Variants in EXT1 observed in about 807,000 individuals in gnomAD.
EXT1 encodes exostosin glycosyltransferase 1, also known as exostosin-1.
Under a neutral mutation model 82.5 loss-of-function variants are expected in EXT1, and 20 were observed. The ratio of observed to expected loss-of-function variants is 0.24; its 90% confidence interval spans 0.17 to 0.35. The LOEUF is 0.35. Ranked by LOEUF, EXT1 falls within the 10% of genes least tolerant of loss-of-function variation. The probability of loss-of-function intolerance (pLI) is 1.00; values close to 1 mark genes in which losing one functional copy is unlikely to be tolerated. For missense variants in EXT1, 757 were observed against 936.5 expected, an observed-to-expected ratio of 0.81 and a Z score of 2.50; for synonymous variants, 348 against 350.8, an observed-to-expected ratio of 0.99 and a Z score of 0.09.
At chr8:118,027,796 C>G (rs17453868) in intron 1 of EXT1, among the ~76,000 whole-genome samples, 2,310 of 152,298 alleles carry the variant, frequency 0.015, 21 homozygotes, top group Non-Finnish European at 0.019. Flanking sequence ...TGACGCTAAA[C>G]AACTGGCAAA....
At chr8:118,005,717 T>G (rs746420864) in intron 1 of EXT1, among the ~76,000 whole-genome samples, 4 of 152,240 alleles carry the variant, frequency 2.6e-5, no homozygotes, top group Non-Finnish European at 5.9e-5. Context: ...TGGCCCTCTC[T>G]GTACTTTTTC....
intron 1 of EXT1, among the ~76,000 whole-genome samples, chr8:117,845,578 G>T (rs894309050): frequency 6.6e-6 from 1 of 151,358 alleles, no homozygotes; most frequent in Non-Finnish European, 1.5e-5. Flanking sequence ...ATAAATAAAA[G>T]ATAGCTATTA....
Position 117,820,791 on chromosome 8 carries a change from T to A in EXT1, c.1418-997A>T, listed in dbSNP as rs546204261. On this transcript the variant is annotated intron_variant, in intron 5 of 10. Transcript: ENST00000378204. ...TATATGTCAGCAGCTACCATTATCA[T>A]CACCCTCACCAACATTATTATTTTG... Among the ~76,000 whole-genome samples, 4 of 152,278 alleles carry A rather than the reference T, an allele frequency of 2.6e-5. No individual in the cohort carries two copies. The South Asian group carries it at 8.3e-4, about 32-fold the overall frequency.
intron 1 of EXT1, among the ~76,000 whole-genome samples, chr8:118,009,468 C>T (rs1815849520): frequency 6.6e-6 from 1 of 151,348 alleles, no homozygotes; most frequent in Non-Finnish European, 1.5e-5. Context: ...AGTGAATGAC[C>T]AGACAGTGGC....
At chr8:117,824,561 C>T (rs1359097813) in intron 4 of EXT1, among the ~76,000 whole-genome samples, 1 of 152,174 alleles carries the variant, frequency 6.6e-6, no homozygotes, top group African/African-American at 2.4e-5. Context: ...TTAATTATAA[C>T]AACGTCTCAG....
At chr8:118,050,004 CCTT>C (rs1476794229) in intron 1 of EXT1, among the ~76,000 whole-genome samples, 4 of 152,230 alleles carry the variant, frequency 2.6e-5, no homozygotes, top group South Asian at 4.2e-4. Context: ...CCTGGTGTGT[CCTT>C]CTTTTATTCA....
chr8:118,073,739 C>T (rs1003304760), intron 1 of EXT1, among the ~76,000 whole-genome samples: 6 of 151,248 alleles, frequency 4.0e-5, no homozygotes, highest in African/African-American at 1.5e-4. Flanking sequence ...CAAATAATTC[C>T]TTATGCAGAG....
intron 1 of EXT1, among the ~76,000 whole-genome samples, chr8:117,861,410 G>T (rs1265863686): frequency 6.6e-6 from 1 of 151,888 alleles, no homozygotes; most frequent in Non-Finnish European, 1.5e-5. Flanking sequence ...AGCTTTATGA[G>T]GCAATTTAAG....
At chr8:117,947,186 A>T (rs4876778) in intron 1 of EXT1, among the ~76,000 whole-genome samples, 73,232 of 152,056 alleles carry the variant, frequency 0.48, 19,297 homozygotes, top group Admixed American at 0.62. Context: ...GTGGGTAAAT[A>T]CACTTGATTC....
At chr8:117,920,127 CAG>C (rs1398888010) in intron 1 of EXT1, among the ~76,000 whole-genome samples, 2 of 152,034 alleles carry the variant, frequency 1.3e-5, no homozygotes, top group Non-Finnish European at 2.9e-5. Context: ...TTTTTTGAGA[CAG>C]AGTCTCAATC....
chr8:117,824,565 G>A (rs532582147), intron 4 of EXT1, among the ~76,000 whole-genome samples: 18 of 152,152 alleles, frequency 1.2e-4, no homozygotes, highest in East Asian at 9.7e-4. Flanking sequence ...TTATAACAAC[G>A]TCTCAGAATT....
intron 10 of EXT1, among the ~76,000 whole-genome samples, chr8:117,801,580 A>G (rs1345486431): frequency 6.6e-6 from 1 of 151,976 alleles, no homozygotes; most frequent in Non-Finnish European, 1.5e-5. Flanking sequence ...ATCTTGGCTC[A>G]CTGCAACCTC....
chr8:117,951,928 T>G (rs1814497915), intron 1 of EXT1, among the ~76,000 whole-genome samples: 1 of 152,236 alleles, frequency 6.6e-6, no homozygotes, highest in Admixed American at 6.5e-5. Flanking sequence ...ATGTAAGATC[T>G]ATAGTTATTT....
At chr8:118,019,541 A>G (rs904663031) in intron 1 of EXT1, among the ~76,000 whole-genome samples, 2 of 152,218 alleles carry the variant, frequency 1.3e-5, no homozygotes, top group Non-Finnish European at 2.9e-5. Context: ...CTATCGCAGA[A>G]AAGAGTCATT....
chr8:118,090,475 T>C (rs1236501029), intron 1 of EXT1, among the ~76,000 whole-genome samples: 2 of 151,378 alleles, frequency 1.3e-5, no homozygotes, highest in African/African-American at 2.4e-5. Flanking sequence ...AGCCACTCTG[T>C]AGAAAACCAT....
intron 1 of EXT1, among the ~76,000 whole-genome samples, chr8:117,943,377 C>T (rs1412736109): frequency 6.6e-6 from 1 of 151,934 alleles, no homozygotes; most frequent in East Asian, 1.9e-4. Context: ...GTCACAGCAC[C>T]GATTGTAACA....
chr8:118,103,643 G>T (rs756773338), intron 1 of EXT1, among the ~76,000 whole-genome samples: 4 of 152,062 alleles, frequency 2.6e-5, no homozygotes, highest in Non-Finnish European at 4.4e-5. Context: ...GACATCTCCA[G>T]GGTTCACTTT....
intron 2 of EXT1, among the ~76,000 whole-genome samples, chr8:117,836,307 T>A (rs952931714): frequency 6.6e-6 from 1 of 152,150 alleles, no homozygotes; most frequent in African/African-American, 2.4e-5. Context: ...GAGAGCAACT[T>A]GGAAAAGACA....
chr8:117,964,838 A>C (rs1231765869), intron 1 of EXT1, among the ~76,000 whole-genome samples: 3 of 152,056 alleles, frequency 2.0e-5, no homozygotes. Context: ...GGGTTTCCCT[A>C]TAGTGGCCAG....
Sources: allele counts gnomAD v4.1 joint callset (sites outside exome capture counted in the v4.1 genomes callset), GRCh38; gene constraint gnomAD v4.1.1; transcripts MANE v1.5; gene names NCBI Gene and HGNC (gene_info 2026-07-23, HGNC 2026-07-21).